The following FAM83H variants were observed in gnomAD, a reference collection of about 807,000 sequenced individuals.
The protein encoded by FAM83H is scaffolding CK1 anchoring protein H.
FAM83H carries 24 observed loss-of-function variants against 30.2 expected under a neutral mutation model. The ratio of observed to expected loss-of-function variants is 0.79; its 90% CI spans 0.57 to 1.12. FAM83H has a LOEUF of 1.12. Ranked by LOEUF, FAM83H falls within the 50% of genes most tolerant of loss-of-function variation. The pLI is 0.00. For missense variants in FAM83H, 2,038 were observed against 1,773.9 expected (o/e 1.15, Z -2.67); for synonymous variants, 1,013 against 821.7 (o/e 1.23, Z -3.98).
In FAM83H at chr8:143,727,340, C is replaced by G. The variant is rs1227410125; in HGVS notation, c.2121G>C (p.Gln707His). 18 of 1,565,216 alleles carry G rather than the reference C, an allele frequency of 1.2e-5. No homozygotes were observed. The highest frequency in any genetic ancestry group is 1.5e-5 in the Non-Finnish European group (17 of 1,163,432). Residue 707 changes from glutamine (Q) to histidine (H), a missense_variant, in exon 5 of 5, where the codon CAG becomes CAC. Transcript: ENST00000388913. ...TGACCGTCTGCTCCTTGTGCAGCAG[C>G]TGCACCTTCTCAGTGGCCGCCGCAG... ...AGAAAATEKV[Q>H]LLHKEQTVSE...
At position 143,732,806 on chromosome 8, in the gene FAM83H, A is replaced by G. The variant is rs1452942833; in HGVS notation, c.-16+885T>C. ...ACATTTGCCTACCAAACGTCTGCCC[A>G]AGGGAGGGAGGGCGCGGAACCCACC... On this transcript the variant is annotated intron_variant, in intron 1 of 4. Coordinates refer to ENST00000388913, the MANE Select transcript of FAM83H (RefSeq NM_198488.5). The G allele has an allele frequency of 4.3e-6, 4 of 930,082 alleles. No homozygotes were observed. The African/African-American group carries it at 7.2e-5, about 17-fold the overall frequency. 57.6% of individuals were successfully genotyped at this position (930,082 alleles called of 1,614,324 possible).
chr8:143,726,927 G>A lies in FAM83H; in HGVS notation c.2534C>T (p.Pro845Leu), dbSNP rs376843775. 72 of 1,611,988 alleles carry A rather than the reference G, an allele frequency of 4.5e-5. No homozygotes were observed. In the African/African-American group the frequency reaches 6.4e-4, roughly 14 times the overall value. The change falls in exon 5 of 5, where the codon CCG becomes CTG. Residue 845 changes from proline to leucine, a missense_variant. By Grantham distance (98) the Pro-to-Leu change is moderately conservative (BLOSUM62 -3). Coordinates refer to ENST00000388913, the MANE Select transcript of FAM83H (RefSeq NM_198488.5). ...FLSAQSHSTS[P>L]QGLDSPLPLE... ...CGGCAGAGGGCTGTCCAGCCCTTGC[G>A]GGGACGTTGAGTGGCTCTGGGCAGA...
Position 143,726,682 on chromosome 8 carries a change from C to T in FAM83H, c.2779G>A (p.Val927Met). Residue 927 changes from valine (V) to methionine (M), a missense_variant, in exon 5 of 5, where the codon GTG becomes ATG. Coordinates refer to ENST00000388913, the MANE Select transcript of FAM83H (RefSeq NM_198488.5). ...PPVPERRSSPVPPVPERRGSL... is the reference protein window; with the variant it reads ...PPVPERRSSPMPPVPERRGSL... ...CCCCTGCGCTCCGGCACGGGGGGCA[C>T]CGGACTGCTCCTGCGCTCCGGCACG... 2 of 1,597,856 alleles carry T rather than the reference C, an allele frequency of 1.3e-6. No homozygotes were observed. Among genetic ancestry groups the T allele is most frequent in the Non-Finnish European group, 8.5e-7 (1 of 1,176,216 alleles).
rs1554623994 is a variant in FAM83H at position 143,730,129 on chromosome 8, G to A, written c.447+7C>T. 6.5e-7 allele frequency: 1 copy of A among 1,543,234 alleles called. No individual in the cohort carries two copies. The highest frequency in any genetic ancestry group is 1.4e-5 in the African/African-American group (1 of 73,574). On this transcript the variant is annotated splice_region_variant and intron_variant, in intron 2 of 4. Coordinates refer to ENST00000388913, the MANE Select transcript of FAM83H (RefSeq NM_198488.5). ...CCCCCACTACCCTCAAGCCCAAGAT[G>A]GCGCACCTGCTGGGCGGAACGGATC...
In FAM83H at chr8:143,733,270, C is replaced by T. The variant is rs2129714058; in HGVS notation, c.-16+421G>A. ...CTCCCATCACTCGCCCTGCTCGCCACGCGGGGATCCAGGCCGCACCCTGGC... is the reference window on the plus strand; with the variant it reads ...CTCCCATCACTCGCCCTGCTCGCCATGCGGGGATCCAGGCCGCACCCTGGC... On this transcript the variant is annotated intron_variant, in intron 1 of 4. Coordinates refer to ENST00000388913, the MANE Select transcript of FAM83H (RefSeq NM_198488.5). This position sits in a 1 kb window ranked among gnomAD's most constrained non-coding sequence, Gnocchi z 5.6. The T allele has an allele frequency of 6.6e-6, 1 of 152,430 alleles. No individual in the cohort carries two copies. Among genetic ancestry groups the T allele is most frequent in the African/African-American group, 2.4e-5 (1 of 41,574 alleles). The allele number at this position is 152,430 out of a possible 1,614,324, so 9.4% of individuals were successfully genotyped here. A position where few individuals can be genotyped will look rare whatever the true frequency, so the allele number is the denominator to read the frequency against.
chr8:143,728,799 G>T, intron 4 of FAM83H, 76 bp from the exon 5 acceptor site: 1 of 1,597,680 alleles, frequency 6.3e-7, no homozygotes. Context: ...CGGGTGGGGC[G>T]CGGAGGACGC....
Position 143,727,026 on chromosome 8 carries a change from G to A in FAM83H, c.2435C>T (p.Ala812Val), listed in dbSNP as rs1554622248. ...GAGCAGCTGCGCCGCGGTGAGCGACGCGGCTCCCGGCTGCCGCTCCGCCTC... is the reference window on the plus strand; with the variant it reads ...GAGCAGCTGCGCCGCGGTGAGCGACACGGCTCCCGGCTGCCGCTCCGCCTC... ...HQEAERQPGA[A>V]SLTAAQLLDT... The change falls in exon 5 of 5, where the codon GCG becomes GTG. Residue 812 changes from alanine (A) to valine (V), a missense_variant. Coordinates refer to ENST00000388913, the MANE Select transcript of FAM83H (RefSeq NM_198488.5). 1 of 1,560,440 alleles carries A rather than the reference G, an allele frequency of 6.4e-7. No individual in the cohort carries two copies. The highest frequency in any genetic ancestry group is 8.6e-7 in the Non-Finnish European group (1 of 1,157,800).
rs1818248525 is a variant in FAM83H at position 143,725,331 on chromosome 8, C to T, written c.*590G>A. 1 of 162,742 alleles carries T rather than the reference C, an allele frequency of 6.1e-6. No individual in the cohort carries two copies. The highest frequency in any genetic ancestry group is 5.7e-5 in the Admixed American group (1 of 17,418). The allele number at this position is 162,742 out of a possible 1,614,324, so 10.1% of individuals were successfully genotyped here. On this transcript the variant is annotated 3_prime_UTR_variant, in exon 5 of 5. Coordinates refer to ENST00000388913, the MANE Select transcript of FAM83H (RefSeq NM_198488.5). ...AGGGGACTTAGCGGGGTGCAAGGCTCACGCCTGTAATCCCCCCACTTTGGG... is the reference window on the plus strand; with the variant it reads ...AGGGGACTTAGCGGGGTGCAAGGCTTACGCCTGTAATCCCCCCACTTTGGG...
At chr8:143,731,895 A>G (rs1377097844) in intron 1 of FAM83H, 16 of 977,612 alleles carry the variant, frequency 1.6e-5, no homozygotes, top group African/African-American at 1.7e-5. Flanking sequence ...CCACGCACAC[A>G]GGGTCACTGA....
At position 143,730,452 on chromosome 8, in the gene FAM83H, C is replaced by A; in HGVS notation, c.131G>T (p.Ser44Ile). The change falls in exon 2 of 5, where the codon AGC becomes ATC. Residue 44 changes from serine (S) to isoleucine (I), a missense_variant. Ser to Ile is a moderately radical substitution (Grantham distance 142, BLOSUM62 -2). Transcript: ENST00000388913. ...TGCCCCCTCGGTAGCGAGGAAGCGGCTGTAGGCCTCCGAGCCACCCTCGGC... is the reference window on the plus strand; with the variant it reads ...TGCCCCCTCGGTAGCGAGGAAGCGGATGTAGGCCTCCGAGCCACCCTCGGC... Reference protein sequence around the residue: ...ALAEGGSEAYSRFLATEGAPD... With the variant: ...ALAEGGSEAYIRFLATEGAPD... 1 of 1,611,948 alleles carries A rather than the reference C, an allele frequency of 6.2e-7. No individual in the cohort carries two copies. The highest frequency in any genetic ancestry group is 2.2e-5 in the East Asian group (1 of 44,868).
At position 143,725,767 on chromosome 8, in the gene FAM83H, G is replaced by T; in HGVS notation, c.*154C>A. On this transcript the variant is annotated 3_prime_UTR_variant, in exon 5 of 5. Coordinates refer to ENST00000388913, the MANE Select transcript of FAM83H (RefSeq NM_198488.5). ...GCAGCTGCCAGGTGAGCCTCCAGTGGAGCCGAGGTCTGGCGCACTCAGCCA... is the reference window on the plus strand; with the variant it reads ...GCAGCTGCCAGGTGAGCCTCCAGTGTAGCCGAGGTCTGGCGCACTCAGCCA... 1 of 1,342,700 alleles carries T rather than the reference G, an allele frequency of 7.4e-7. No homozygotes were observed. The highest frequency in any genetic ancestry group is 1.0e-6 in the Non-Finnish European group (1 of 991,064). The allele number at this position is 1,342,700 out of a possible 1,614,324, so 83.2% of individuals were successfully genotyped here.
rs986630953 is a variant in FAM83H, at chr8:143,727,280, G to A, written c.2181C>T (p.Arg727=). The A allele has an allele frequency of 1.3e-6, 2 of 1,536,134 alleles. No individual in the cohort carries two copies. Among genetic ancestry groups the A allele is most frequent in the South Asian group, 1.2e-5 (1 of 84,170 alleles). The change falls in exon 5 of 5, where the codon CGC becomes CGT. Residue 727 remains arginine (R), a synonymous_variant. Transcript: ENST00000388913. ...CCGCCACCTTGGTGGAAGCCGCGGA[G>A]CGCACGGCCTCTCCGCCGGGCCCCA... The part of the protein sequence containing the change: ...ETLGPGGEAV[R]SAASTKVAEL...
Position 143,724,577 on chromosome 8 carries a change from G to A in FAM83H, c.*1344C>T, listed in dbSNP as rs921398105. The stretch of plus-strand genomic sequence containing the variant: ...GACAAAGAGGAAAGGACCTGAGAAT[G>A]GGGCTGGTGGGGAGAGGGGGGTGTC... On this transcript the variant is annotated 3_prime_UTR_variant, in exon 5 of 5. Transcript: ENST00000388913. 1 of 152,192 alleles carries A rather than the reference G, an allele frequency of 6.6e-6. No individual in the cohort carries two copies. The highest frequency in any genetic ancestry group is 2.4e-5 in the African/African-American group (1 of 41,428). The allele number at this position is 152,192 out of a possible 1,614,324, so 9.4% of individuals were successfully genotyped here. A position where few individuals can be genotyped will look rare whatever the true frequency, so the allele number is the denominator to read the frequency against.
Position 143,733,344 on chromosome 8 carries a change from G to A in FAM83H, c.-16+347C>T, listed in dbSNP as rs918147220. Among the ~76,000 whole-genome samples the A allele has an allele frequency of 6.6e-6, 1 of 152,194 alleles. No individual in the cohort carries two copies. The highest frequency in any genetic ancestry group is 1.5e-5 in the Non-Finnish European group (1 of 68,018). Reference sequence around the variant, plus strand: ...GCGGATGTCCCCAGGGAAGGGTCCAGGCCGTGCCCAGCACCCAGACTCCAG... The same window carrying A: ...GCGGATGTCCCCAGGGAAGGGTCCAAGCCGTGCCCAGCACCCAGACTCCAG... On this transcript the variant is annotated intron_variant, in intron 1 of 4. Coordinates refer to ENST00000388913, the MANE Select transcript of FAM83H (RefSeq NM_198488.5). This position sits in a 1 kb window ranked among gnomAD's most constrained non-coding sequence, Gnocchi z 5.6.
In FAM83H at chr8:143,728,455, C is replaced by T; in HGVS notation, c.1006G>A (p.Glu336Lys). 1 of 1,551,720 alleles carries T rather than the reference C, an allele frequency of 6.4e-7. No individual in the cohort carries two copies. The highest frequency in any genetic ancestry group is 8.7e-7 in the Non-Finnish European group (1 of 1,147,380). Residue 336 changes from glutamate to lysine, a missense_variant, in exon 5 of 5, where the codon GAG becomes AAG. Coordinates refer to ENST00000388913, the MANE Select transcript of FAM83H (RefSeq NM_198488.5). ...AHLLFPPPRE[E>K]GLGFPSFLDP... ...AGGAAGGAGGGGAAGCCCAGGCCCT[C>T]TTCCCGGGGTGGCGGGAACAGGAGG...
chr8:143,732,610 C>A, intron 1 of FAM83H: 1 of 985,370 alleles, frequency 1.0e-6, no homozygotes, highest in Non-Finnish European at 1.2e-6. Flanking sequence ...CCCCCGTGGC[C>A]AGGAGCCCTC....
intron 1 of FAM83H, chr8:143,731,520 G>T (rs115572129): frequency 1.0e-6 from 1 of 985,194 alleles, no homozygotes; most frequent in African/African-American, 1.7e-5. Context: ...TTCTATGACC[G>T]CCCAGTCCTG....
rs782487900 is a variant in FAM83H, at chr8:143,730,388, G to A, written c.195C>T (p.Ser65=). The A allele has an allele frequency of 6.2e-7, 1 of 1,613,394 alleles. No individual in the cohort carries two copies. The highest frequency in any genetic ancestry group is 1.7e-5 in the Admixed American group (1 of 60,032). ...CATACTGCGGAGGCCGAAGGTGTCG[G>A]CTCACATGTTCCAGCTCTTCAGGGC... ...FLCPEELEHV[S]RHLRPPQYVT... is the part of the protein sequence containing the mutation. The change falls in exon 2 of 5, where the codon AGC becomes AGT. Residue 65 remains serine, a synonymous_variant. Transcript: ENST00000388913.
At position 143,726,673 on chromosome 8, in the gene FAM83H, C is replaced by T. The variant is rs782632537; in HGVS notation, c.2788G>A (p.Val930Met). ...PERRSSPVPP[V>M]PERRGSLTLT... Reference sequence around the variant, plus strand: ...GTGAGGCTGCCCCTGCGCTCCGGCACGGGGGGCACCGGACTGCTCCTGCGC... The same window carrying T: ...GTGAGGCTGCCCCTGCGCTCCGGCATGGGGGGCACCGGACTGCTCCTGCGC... The change falls in exon 5 of 5, where the codon GTG becomes ATG. Residue 930 changes from valine (V) to methionine (M), a missense_variant. Val to Met is a conservative substitution (Grantham distance 21, BLOSUM62 1). Coordinates refer to ENST00000388913, the MANE Select transcript of FAM83H (RefSeq NM_198488.5). 2.5e-6 allele frequency: 4 copies of T among 1,595,840 alleles called. No individual in the cohort carries two copies. Among genetic ancestry groups the T allele is most frequent in the African/African-American group, 2.7e-5 (2 of 74,102 alleles).
Sources: gnomAD v4.1 joint callset for allele counts (sites outside exome capture counted in the v4.1 genomes callset) on GRCh38, gnomAD v4.1.1 for gene constraint, Gnocchi (gnomAD v3.1) non-coding constraint, MANE v1.5 for transcripts, NCBI Gene and HGNC (gene_info 2026-07-23, HGNC 2026-07-21) for gene names.